The following TMEM45A variants were observed in gnomAD, a reference collection of about 807,000 sequenced individuals.
The protein encoded by TMEM45A is transmembrane protein 45A, also known as DNA polymerase-transactivated protein 4.
TMEM45A carries 25 observed loss-of-function variants against 32.0 expected under a neutral mutation model. The ratio of observed to expected loss-of-function variants is 0.78; its 90% CI spans 0.57 to 1.09. TMEM45A has a LOEUF of 1.09. TMEM45A is among the 50% of genes least tolerant of loss of function. TMEM45A has a pLI of 0.00. For missense variants in TMEM45A, 302 were observed against 325.0 expected (o/e 0.93, Z 0.54); for synonymous variants, 122 against 114.8 (o/e 1.06, Z -0.40).
chr3:100,568,464 T>G (rs9880036), intron 4 of TMEM45A, among the ~76,000 whole-genome samples: 31,604 of 152,132 alleles, frequency 0.21, 4,169 homozygotes, highest in African/African-American at 0.35. Context: ...TAATGTTAAC[T>G]GTGGGCATTT....
chr3:100,504,814 A>G (rs1022061437), intron 1 of TMEM45A, among the ~76,000 whole-genome samples: 1 of 152,174 alleles, frequency 6.6e-6, no homozygotes, highest in Non-Finnish European at 1.5e-5. Flanking sequence ...CCATGCCACT[A>G]ATTTCTGAAT....
chr3:100,500,354 A>C (rs1046042299), intron 1 of TMEM45A, among the ~76,000 whole-genome samples: 1 of 151,974 alleles, frequency 6.6e-6, no homozygotes, highest in Non-Finnish European at 1.5e-5. Flanking sequence ...AGACACTAGC[A>C]CTCAAGTGAA....
At chr3:100,526,096 C>A (rs918981053) in intron 1 of TMEM45A, among the ~76,000 whole-genome samples, 4 of 152,176 alleles carry the variant, frequency 2.6e-5, no homozygotes, top group Non-Finnish European at 5.9e-5. Flanking sequence ...GCGTCTTTCT[C>A]CCTTTCATAT....
At chr3:100,524,205 C>A (rs1031803484) in intron 1 of TMEM45A, among the ~76,000 whole-genome samples, 1 of 152,158 alleles carries the variant, frequency 6.6e-6, no homozygotes, top group Non-Finnish European at 1.5e-5. Context: ...GGGGAGACTG[C>A]CTTCTCTATC....
In TMEM45A at chr3:100,568,965, C is replaced by G. The variant is rs2148994792; in HGVS notation, c.732C>G (p.Thr244=). The G allele has an allele frequency of 1.9e-6, 3 of 1,608,276 alleles. No individual in the cohort carries two copies. The East Asian group carries it at 6.7e-5, about 36-fold the overall frequency. ...VIVGMNYAFI[T]WLVKSRLKRL... is the part of the protein sequence containing the mutation. ...TTGGAATGAATTATGCTTTCATTAC[C>G]TGGTAAGTTAGCGATTTCTGTTAAT... is the stretch of plus-strand genomic sequence containing the variant. Residue 244 remains threonine, a splice_region_variant and synonymous_variant, in exon 5 of 6, where the codon ACC becomes ACG. Transcript: ENST00000323523.
Position 100,577,002 on chromosome 3 carries a change from C to A in TMEM45A, c.812C>A (p.Ser271Ter). 1 of 1,613,026 alleles carries A rather than the reference C, an allele frequency of 6.2e-7. No homozygotes were observed. The highest frequency in any genetic ancestry group is 1.1e-5 in the South Asian group (1 of 91,012). ...LLKNAEREQESEEEM is the reference protein window; with the variant it reads ...LLKNAEREQE Reference sequence around the variant, plus strand: ...AAAAATGCTGAACGAGAACAAGAATCAGAAGAAGAAATGTGACTTTGATGA... The same window carrying A: ...AAAAATGCTGAACGAGAACAAGAATAAGAAGAAGAAATGTGACTTTGATGA... The change falls in exon 6 of 6, where the codon TCA becomes TAA. Residue 271 changes from serine to a stop codon, truncating the protein, a stop_gained. Coordinates refer to ENST00000323523, the MANE Select transcript of TMEM45A (RefSeq NM_018004.3). LOFTEE classifies it high-confidence loss of function.
intron 1 of TMEM45A, among the ~76,000 whole-genome samples, chr3:100,533,857 A>C (rs935192752): frequency 6.6e-6 from 1 of 152,166 alleles, no homozygotes; most frequent in Non-Finnish European, 1.5e-5. Flanking sequence ...AATTGAGGCA[A>C]AGTTAAATAA....
At chr3:100,499,674 C>T (rs1334060943) in intron 1 of TMEM45A, among the ~76,000 whole-genome samples, 7 of 152,184 alleles carry the variant, frequency 4.6e-5, no homozygotes, top group South Asian at 2.1e-4. Flanking sequence ...GCCAGGAGTT[C>T]GAGACCAGCC....
chr3:100,573,474 T>G (rs553481377), intron 5 of TMEM45A: 22 of 152,368 alleles, frequency 1.4e-4, no homozygotes, highest in African/African-American at 4.3e-4. Flanking sequence ...TTTGCTGAAG[T>G]TGCTTATCAG....
At chr3:100,539,483 A>ACG (rs1559644572) in intron 1 of TMEM45A, among the ~76,000 whole-genome samples, 231 of 141,958 alleles carry the variant, frequency 1.6e-3, no homozygotes, top group Middle Eastern at 3.5e-3. Context: ...GTATATGTAT[A>ACG]TGTATATGTA....
At chr3:100,503,970 C>T (rs928612620) in intron 1 of TMEM45A, among the ~76,000 whole-genome samples, 1 of 152,176 alleles carries the variant, frequency 6.6e-6, no homozygotes, top group African/African-American at 2.4e-5. Context: ...TTGGTTGCCA[C>T]TTTTCAGAGA....
chr3:100,562,592 G>A (rs145622189), intron 4 of TMEM45A, among the ~76,000 whole-genome samples: 1,865 of 152,230 alleles, frequency 0.012, 13 homozygotes, highest in Non-Finnish European at 0.02. Flanking sequence ...TTATTTTGGA[G>A]GCTTCAAAAA....
intron 1 of TMEM45A, among the ~76,000 whole-genome samples, chr3:100,542,332 CAT>C (rs1264750964): frequency 1.3e-5 from 2 of 151,974 alleles, no homozygotes; most frequent in Non-Finnish European, 2.9e-5. Context: ...ATTTCATAGA[CAT>C]ATGAATACTA....
intron 1 of TMEM45A, 49 bp from the exon 2 acceptor site, chr3:100,555,160 T>A: frequency 6.7e-7 from 1 of 1,495,344 alleles, no homozygotes; most frequent in Non-Finnish European, 9.1e-7. Context: ...TTTGTCCAGA[T>A]TCTGGCAATG....
chr3:100,502,959 T>TCTTCTCCTCCTTCTC (rs1376020292), intron 1 of TMEM45A, among the ~76,000 whole-genome samples: 5 of 151,114 alleles, frequency 3.3e-5, no homozygotes, highest in Non-Finnish European at 7.4e-5. Context: ...TCCTTCTCCT[T>TCTTCTCCTCCTTCTC]CTTCTCCTCC....
At chr3:100,567,518 C>CAAAA (rs780009246) in intron 4 of TMEM45A, among the ~76,000 whole-genome samples, 1,494 of 63,462 alleles carry the variant, frequency 0.024, 198 homozygotes, top group African/African-American at 0.075. Flanking sequence ...ACCATTTCTG[C>CAAAA]AAAAAAAAAA....
intron 1 of TMEM45A, among the ~76,000 whole-genome samples, chr3:100,534,540 G>T (rs1705705125): frequency 6.6e-6 from 1 of 152,170 alleles, no homozygotes; most frequent in Non-Finnish European, 1.5e-5. Context: ...AGCTGGAAAA[G>T]GCAAGGAAAG....
At chr3:100,501,960 G>A (rs1349317178) in intron 1 of TMEM45A, among the ~76,000 whole-genome samples, 3 of 151,988 alleles carry the variant, frequency 2.0e-5, no homozygotes, top group African/African-American at 7.3e-5. Context: ...ATTTCACAGA[G>A]GAAAAAGAAA....
intron 4 of TMEM45A, among the ~76,000 whole-genome samples, chr3:100,559,790 C>G (rs1706294592): frequency 6.6e-6 from 1 of 150,948 alleles, no homozygotes; most frequent in African/African-American, 2.4e-5. Context: ...TGACACATAG[C>G]AATGACAGAT....
Sources: allele counts gnomAD v4.1 joint callset (sites outside exome capture counted in the v4.1 genomes callset), GRCh38; gene constraint gnomAD v4.1.1; transcripts MANE v1.5; gene names NCBI Gene and HGNC (gene_info 2026-07-23, HGNC 2026-07-21).